CRTC2: variants seen among roughly 807,000 people sequenced by gnomAD.
CRTC2 encodes the protein CREB-regulated transcription coactivator 2.
Under a neutral mutation model 70.9 loss-of-function variants are expected in CRTC2, and 25 were observed. The ratio of observed to expected loss-of-function variants is 0.35; its 90% CI spans 0.26 to 0.49. CRTC2 has a LOEUF of 0.49. Among genes scored for constraint, CRTC2 ranks in the 20% least tolerant of loss-of-function variants. The pLI is 0.98. For missense variants in CRTC2, 737 were observed against 882.6 expected, an observed-to-expected ratio of 0.83 and a Z score of 2.09; for synonymous variants, 330 against 364.1, an observed-to-expected ratio of 0.91 and a Z score of 1.07.
In CRTC2 at chr1:153,958,573, C is replaced by T; in HGVS notation, c.-76G>A. ...CGCCGCGGCCTCGGCCCGGCTCCTC[C>T]AGCCGTAGCCACCGCCGCCTCAGCG... On this transcript the variant is annotated 5_prime_UTR_variant, in exon 1 of 14. Coordinates refer to ENST00000368633, the MANE Select transcript of CRTC2 (RefSeq NM_181715.3). 1 of 1,404,390 alleles carries T rather than the reference C, an allele frequency of 7.1e-7. No homozygotes were observed. The highest frequency in any genetic ancestry group is 9.5e-7 in the Non-Finnish European group (1 of 1,051,734). 87.0% of individuals were successfully genotyped at this position (1,404,390 alleles called of 1,614,324 possible).
At chr1:153,949,405 G>T in intron 11 of CRTC2, 21 bp from the exon 12 acceptor site, 1 of 1,589,222 alleles carries the variant, frequency 6.3e-7, no homozygotes, top group Non-Finnish European at 8.6e-7. Context: ...GTAAAAAGAG[G>T]GAAGCTTACT....
chr1:153,957,512 G>A (rs1315914071), intron 1 of CRTC2, among the ~76,000 whole-genome samples: 1 of 152,084 alleles, frequency 6.6e-6, no homozygotes, highest in East Asian at 1.9e-4. Flanking sequence ...CCAAGCCAGG[G>A]GGGCTTCAGA....
rs1200702137 is a variant in CRTC2 at position 153,952,435 on chromosome 1, G to A, written c.714C>T (p.Ser238=). The A allele has an allele frequency of 6.2e-7, 1 of 1,614,226 alleles. No individual in the cohort carries two copies. Among genetic ancestry groups the A allele is most frequent in the Admixed American group, 1.7e-5 (1 of 60,034 alleles). ...CTTCACAGGACCGAGGTCGGGAAGA[G>A]GATGAGGATAGCTGAGGAGAGAAGG... ...KPWDAKKLSS[S]SSRPRSCEVP... is the part of the protein sequence containing the mutation. Residue 238 remains serine, a synonymous_variant, in exon 9 of 14, where the codon TCC becomes TCT. Transcript: ENST00000368633.
At chr1:153,949,703 G>C (rs187729368) in intron 11 of CRTC2, among the ~76,000 whole-genome samples, 1 of 152,224 alleles carries the variant, frequency 6.6e-6, no homozygotes, top group Non-Finnish European at 1.5e-5. Context: ...ATAAAAATTA[G>C]CTGGGCATGG....
chr1:153,949,523 G>A, intron 11 of CRTC2, 139 bp from the exon 12 acceptor site: 1 of 908,810 alleles, frequency 1.1e-6, no homozygotes, highest in Non-Finnish European at 1.6e-6. Context: ...GGGCATCCCT[G>A]GGGTTGAGTG....
intron 10 of CRTC2, 96 bp from the exon 11 acceptor site, chr1:153,951,762 A>G: frequency 7.4e-7 from 1 of 1,353,380 alleles, no homozygotes; most frequent in Non-Finnish European, 1.0e-6. Context: ...AGACTATGAA[A>G]GCGGCAACAC....
Position 153,952,630 on chromosome 1 carries a change from C to A in CRTC2, c.643G>T (p.Ala215Ser), listed in dbSNP as rs543689284. The A allele has an allele frequency of 5.0e-6, 8 of 1,614,200 alleles. No individual in the cohort carries two copies. The African/African-American group carries it at 1.1e-4, about 22-fold the overall frequency. The change falls in exon 8 of 14, where the codon GCT becomes TCT. Residue 215 changes from alanine to serine, a missense_variant. Around this residue, in one of 3 missense-constraint regions of CRTC2, gnomAD observed 699 missense variants for 823.7 expected, o/e 0.85. Coordinates refer to ENST00000368633, the MANE Select transcript of CRTC2 (RefSeq NM_181715.3). ...TCATCTAGCAAGTTCTCCTCAATAG[C>A]AGGTACTTGAAAGAGAAAGACTGGT... Reference protein sequence around the residue: ...LDGEMDPKVPAIEENLLDDKH... With the variant: ...LDGEMDPKVPSIEENLLDDKH...
chr1:153,958,137 A>G (rs907504927), intron 1 of CRTC2: 22 of 1,406,574 alleles, frequency 1.6e-5, no homozygotes, highest in Non-Finnish European at 1.8e-5. Context: ...TCGCCTCTAC[A>G]CCCCGAACCT....
At chr1:153,952,660 G>A (rs112474121) in intron 7 of CRTC2, 25 bp from the exon 8 acceptor site, 1 of 1,613,608 alleles carries the variant, frequency 6.2e-7, no homozygotes, top group African/African-American at 1.3e-5. Context: ...ACTGGTGATG[G>A]GAGAGTTGGA....
chr1:153,955,204 C>G, intron 1 of CRTC2, 38 bp from the exon 2 acceptor site: 1 of 1,475,586 alleles, frequency 6.8e-7, no homozygotes, highest in Non-Finnish European at 9.4e-7. Context: ...TCAGGAGGGT[C>G]CTGAGCACTA....
intron 12 of CRTC2, 33 bp downstream of exon 12, chr1:153,949,082 C>T: frequency 6.3e-7 from 1 of 1,597,580 alleles, no homozygotes; most frequent in Non-Finnish European, 8.5e-7. Context: ...TCACCCACTC[C>T]CCTGCTTTTG....
At chr1:153,953,718 C>T in intron 4 of CRTC2, 112 bp from the exon 5 acceptor site, 2 of 640,698 alleles carry the variant, frequency 3.1e-6, no homozygotes, top group Non-Finnish European at 5.5e-6. Flanking sequence ...TGGCTGAGCA[C>T]CCAGATCATC....
At chr1:153,957,983 A>T in intron 1 of CRTC2, 1 of 1,079,096 alleles carries the variant, frequency 9.3e-7, no homozygotes, top group Non-Finnish European at 1.1e-6. Context: ...CCCTCCTCCC[A>T]GGCCATACCC....
Position 153,958,449 on chromosome 1 carries a change from A to G in CRTC2, c.49T>C (p.Ser17Pro), listed in dbSNP as rs778995261. Residue 17 changes from serine (S) to proline (P), a missense_variant, in exon 1 of 14, where the codon TCC becomes CCC. Ser to Pro is a moderately conservative substitution (Grantham distance 74, BLOSUM62 -1). This residue lies in a region of CRTC2 where 29 missense variants were observed against 25.5 expected (regional missense o/e 1.14). Coordinates refer to ENST00000368633, the MANE Select transcript of CRTC2 (RefSeq NM_181715.3). Reference sequence around the variant, plus strand: ...TTCTCACTAAATTTGCGCGGATTGGAAGCCGAGGCCGTGGCCGAACCAGGC... The same window carrying G: ...TTCTCACTAAATTTGCGCGGATTGGGAGCCGAGGCCGTGGCCGAACCAGGC... The part of the protein sequence containing the change: ...NGPGSATASA[S>P]NPRKFSEKIA... The G allele has an allele frequency of 6.8e-6, 11 of 1,613,266 alleles. No individual in the cohort carries two copies. The highest frequency in any genetic ancestry group is 4.2e-6 in the Non-Finnish European group (5 of 1,179,746).
chr1:153,955,260 T>C lies in CRTC2; in HGVS notation c.154-94A>G, dbSNP rs533046913. The C allele has an allele frequency of 3.7e-5, 33 of 902,278 alleles. 1 individual carries two copies. Among genetic ancestry groups the C allele is most frequent in the Middle Eastern group, 2.2e-4 (1 of 4,506 alleles). The allele number at this position is 902,278 out of a possible 1,614,324, so 55.9% of individuals were successfully genotyped here. ...CATCTCTGTCACCAGGATATGCTGC[T>C]GCCGCCACTGCTTTTAAAATATCTA... On this transcript the variant is annotated intron_variant, in intron 1 of 13. Transcript: ENST00000368633.
intron 4 of CRTC2, among the ~76,000 whole-genome samples, chr1:153,953,841 A>G (rs969649820): frequency 2.0e-5 from 3 of 152,208 alleles, no homozygotes; most frequent in African/African-American, 7.2e-5. Context: ...CTTGGAGCCC[A>G]GCAGCATTCC....
rs770244928 is a variant in CRTC2 at position 153,951,650 on chromosome 1, G to T, written c.1014C>A (p.Leu338=). 1.2e-6 allele frequency: 2 copies of T among 1,613,632 alleles called. No individual in the cohort carries two copies. Among genetic ancestry groups the T allele is most frequent in the South Asian group, 2.2e-5 (2 of 91,066 alleles). Residue 338 remains leucine, a synonymous_variant, in exon 11 of 14, where the codon CTC becomes CTA. Coordinates refer to ENST00000368633, the MANE Select transcript of CRTC2 (RefSeq NM_181715.3). ...GGGAGGACTGCAGGGATGGGTGGCTGAGAGGTGAATGAAGTCCTGCAGGCA... is the reference window on the plus strand; with the variant it reads ...GGGAGGACTGCAGGGATGGGTGGCTTAGAGGTGAATGAAGTCCTGCAGGCA... ...GYDAPGLHSP[L]SHPSLQSSLS...
At position 153,957,896 on chromosome 1, in the gene CRTC2, G is replaced by A. The variant is rs901328143; in HGVS notation, c.153+449C>T. Among the ~76,000 whole-genome samples, 10 of 152,098 alleles carry A rather than the reference G, an allele frequency of 6.6e-5. No homozygotes were observed. The East Asian group carries it at 1.7e-3, about 26-fold the overall frequency. On this transcript the variant is annotated intron_variant, in intron 1 of 13. Coordinates refer to ENST00000368633, the MANE Select transcript of CRTC2 (RefSeq NM_181715.3). Reference sequence around the variant, plus strand: ...CCACTCAAGGGGCCCTTTCCCGGGGGCACCAAAGCGCAGAAGGCAGAGGGA... The same window carrying A: ...CCACTCAAGGGGCCCTTTCCCGGGGACACCAAAGCGCAGAAGGCAGAGGGA...
In CRTC2 at chr1:153,954,897, G is replaced by C. The variant is rs780924083; in HGVS notation, c.348C>G (p.Ser116=). ...RVQRDPRRMV[S]PLRRYTRHID... The stretch of plus-strand genomic sequence containing the variant: ...TGTGGCGGGTGTATCGGCGAAGTGG[G>C]GACACCATTCTTCGAGGATCTCGCT... Residue 116 remains serine (S), a synonymous_variant, in exon 3 of 14, where the codon TCC becomes TCG. Transcript: ENST00000368633. The C allele has an allele frequency of 1.3e-5, 21 of 1,613,364 alleles. No individual in the cohort carries two copies. The highest frequency in any genetic ancestry group is 1.8e-5 in the Non-Finnish European group (21 of 1,180,002).
Sources: gnomAD v4.1 joint callset for allele counts (sites outside exome capture counted in the v4.1 genomes callset) on GRCh38, gnomAD v4.1.1 for gene constraint, gnomAD v4.1.1 regional missense constraint, MANE v1.5 for transcripts, NCBI Gene and HGNC (gene_info 2026-07-23, HGNC 2026-07-21) for gene names.